UQCC1: variants seen among roughly 807,000 people sequenced by gnomAD.
UQCC1 encodes ubiquinol-cytochrome c reductase complex assembly factor 1, also known as bFGF-repressed Zic-binding protein.
In UQCC1, 38 loss-of-function variants were observed where a neutral mutation model predicts 48.0. The observed-to-expected ratio is 0.79, with a 90% confidence interval of 0.61 to 1.04. The LOEUF is 1.04. Among genes scored for constraint, UQCC1 ranks in the 50% least tolerant of loss-of-function variants. The probability of loss-of-function intolerance (pLI) is 0.00; values close to 1 mark genes in which losing one functional copy is unlikely to be tolerated. For synonymous variants in UQCC1, 111 were observed against 129.2 expected (o/e 0.86, Z 0.95); for missense variants, 368 against 381.8 (o/e 0.96, Z 0.30).
intron 6 of UQCC1, among the ~76,000 whole-genome samples, chr20:35,351,291 T>C (rs578204036): frequency 1.5e-4 from 23 of 149,806 alleles, no homozygotes; most frequent in Non-Finnish European, 7.4e-5. Flanking sequence ...CTCGAGACAC[T>C]GCGGCAGGAG....
At chr20:35,326,602 C>T (rs2061197624) in intron 7 of UQCC1, among the ~76,000 whole-genome samples, 1 of 152,106 alleles carries the variant, frequency 6.6e-6, no homozygotes, top group South Asian at 2.1e-4. Flanking sequence ...ACATGTAGGT[C>T]GGTATCATTA....
At chr20:35,382,709 A>G (rs1362946226) in intron 3 of UQCC1, among the ~76,000 whole-genome samples, 1 of 150,378 alleles carries the variant, frequency 6.6e-6, no homozygotes, top group Non-Finnish European at 1.5e-5. Context: ...ATGGAGTTTC[A>G]CCGTGTTAGC....
chr20:35,386,250 T>C, intron 2 of UQCC1: 1 of 398,276 alleles, frequency 2.5e-6, no homozygotes, highest in South Asian at 1.8e-5. Context: ...AAATCTAGTT[T>C]CCAAACTCTC....
chr20:35,368,934 A>G (rs903209096), intron 5 of UQCC1, among the ~76,000 whole-genome samples: 9 of 152,334 alleles, frequency 5.9e-5, no homozygotes, highest in Admixed American at 2.6e-4. Flanking sequence ...GCCCTGAGAA[A>G]CTCTGAAGCC....
chr20:35,312,307 C>T (rs1025404310), intron 8 of UQCC1, among the ~76,000 whole-genome samples: 9 of 152,106 alleles, frequency 5.9e-5, no homozygotes, highest in African/African-American at 1.7e-4. Flanking sequence ...TGTAAATGCT[C>T]CCTTGTAATT....
In UQCC1 at chr20:35,347,180, C is replaced by T. The variant is rs758350553; in HGVS notation, c.557G>A (p.Arg186His). 46 of 1,614,062 alleles carry T rather than the reference C, an allele frequency of 2.8e-5. No individual in the cohort carries two copies. Among genetic ancestry groups the T allele is most frequent in the South Asian group, 4.4e-5 (4 of 91,086 alleles). Residue 186 changes from arginine to histidine, a missense_variant, in exon 7 of 10, where the codon CGC becomes CAC. Transcript: ENST00000374385. Reference protein sequence around the residue: ...VHFMWEDVQQRGRVMGVNPYI... With the variant: ...VHFMWEDVQQHGRVMGVNPYI... ...CTCACTTACCCCCATGACTCTGCCG[C>T]GCTGCTGAACATCCTCCCACATAAA... is the stretch of plus-strand genomic sequence containing the variant.
intron 1 of UQCC1, among the ~76,000 whole-genome samples, chr20:35,402,610 AAC>A (rs869123816): frequency 2.4e-3 from 328 of 138,808 alleles, no homozygotes; most frequent in African/African-American, 6.8e-3. Flanking sequence ...CAAACAAACA[AAC>A]AAAATATATA....
Position 35,337,090 on chromosome 20 carries a change from T to C in UQCC1, c.573+10074A>G, listed in dbSNP as rs2061323746. ...AATCATCTAAATGATATAATTAGTT[T>C]AGGAGCAGTGGTTCTCAAACTAGAG... On this transcript the variant is annotated intron_variant, in intron 7 of 9. Coordinates refer to ENST00000374385, the MANE Select transcript of UQCC1 (RefSeq NM_018244.5). Among the ~76,000 whole-genome samples the C allele has an allele frequency of 3.9e-5, 6 of 152,210 alleles. No individual in the cohort carries two copies. The South Asian group carries it at 1.2e-3, about 32-fold the overall frequency.
intron 7 of UQCC1, among the ~76,000 whole-genome samples, chr20:35,338,892 AATAT>A (rs1555805505): frequency 3.3e-4 from 10 of 30,576 alleles, no homozygotes; most frequent in African/African-American, 2.2e-3. Flanking sequence ...AAAAAAAAAA[AATAT>A]ATATATATAT....
chr20:35,337,947 C>T (rs1277981828), intron 7 of UQCC1, among the ~76,000 whole-genome samples: 1 of 151,846 alleles, frequency 6.6e-6, no homozygotes, highest in African/African-American at 2.4e-5. Context: ...TTGGCTTTGC[C>T]GCACACAGTA....
At chr20:35,338,878 A>ATATATATAT (rs2061344260) in intron 7 of UQCC1, among the ~76,000 whole-genome samples, 5 of 60,608 alleles carry the variant, frequency 8.2e-5, no homozygotes, top group African/African-American at 2.2e-4. Flanking sequence ...AAAAAAAAAA[A>ATATATATAT]AAAAAAAAAA....
intron 7 of UQCC1, among the ~76,000 whole-genome samples, chr20:35,326,313 C>T (rs1423134253): frequency 6.6e-6 from 1 of 152,174 alleles, no homozygotes; most frequent in Non-Finnish European, 1.5e-5. Flanking sequence ...GTGGAGAGAA[C>T]AGAAAGATGA....
In UQCC1 at chr20:35,374,174, A is replaced by C; in HGVS notation, c.406+10T>G. The stretch of plus-strand genomic sequence containing the variant: ...GTTCTCCTTTTCAGTACTATCAAAC[A>C]ATAACTTACTTAGAAAGAATTCCTC... On this transcript the variant is annotated intron_variant, in intron 5 of 9. Coordinates refer to ENST00000374385, the MANE Select transcript of UQCC1 (RefSeq NM_018244.5). 1 of 1,605,182 alleles carries C rather than the reference A, an allele frequency of 6.2e-7. No homozygotes were observed. Among genetic ancestry groups the C allele is most frequent in the Non-Finnish European group, 8.5e-7 (1 of 1,172,908 alleles).
Position 35,303,950 on chromosome 20 carries a change from G to C in UQCC1, c.885C>G (p.Asn295Lys), listed in dbSNP as rs752307048. Residue 295 changes from asparagine (N) to lysine (K), a missense_variant, in exon 10 of 10, where the codon AAC becomes AAG. Asn to Lys is a moderately conservative substitution (Grantham distance 94). Transcript: ENST00000374385. ...SILKPHSPTY[N>K]DEGL Reference sequence around the variant, plus strand: ...GCCCAGCCCATCAAAGTCCCTCGTCGTTGTAAGTCGGAGAATGGGGCTTCA... The same window carrying C: ...GCCCAGCCCATCAAAGTCCCTCGTCCTTGTAAGTCGGAGAATGGGGCTTCA... The C allele has an allele frequency of 6.8e-6, 11 of 1,614,092 alleles. No homozygotes were observed. Among genetic ancestry groups the C allele is most frequent in the Non-Finnish European group, 9.3e-6 (11 of 1,180,038 alleles).
chr20:35,347,617 T>G (rs918962451), intron 6 of UQCC1, among the ~76,000 whole-genome samples: 2 of 152,118 alleles, frequency 1.3e-5, no homozygotes, highest in Admixed American at 1.3e-4. Context: ...ATCCTTCATT[T>G]TACTGATGAA....
intron 1 of UQCC1, among the ~76,000 whole-genome samples, chr20:35,402,934 G>A (rs1277141667): frequency 6.6e-6 from 1 of 151,772 alleles, no homozygotes; most frequent in Non-Finnish European, 1.5e-5. Context: ...GGGCATGAGG[G>A]CATGCACCTG....
At chr20:35,342,450 C>T (rs2061391290) in intron 7 of UQCC1, among the ~76,000 whole-genome samples, 1 of 152,218 alleles carries the variant, frequency 6.6e-6, no homozygotes, top group South Asian at 2.1e-4. Flanking sequence ...CCCTGGTTAG[C>T]CACAAGACTG....
chr20:35,409,634 G>T (rs1486992830), intron 1 of UQCC1, among the ~76,000 whole-genome samples: 2 of 152,064 alleles, frequency 1.3e-5, no homozygotes, highest in African/African-American at 4.8e-5. Flanking sequence ...AAAACCATAA[G>T]CATGTCCAGT....
At chr20:35,396,284 CTTTTTTTTTTT>C (rs34830667) in intron 1 of UQCC1, among the ~76,000 whole-genome samples, 1 of 94,376 alleles carries the variant, frequency 1.1e-5, no homozygotes, top group Non-Finnish European at 2.0e-5. Flanking sequence ...TGTGCCTGGC[CTTTTTTTTTTT>C]TTTTTTTTTT....
Sources: gnomAD v4.1 joint callset for allele counts (sites outside exome capture counted in the v4.1 genomes callset) on GRCh38, gnomAD v4.1.1 for gene constraint, MANE v1.5 for transcripts, NCBI Gene and HGNC (gene_info 2026-07-23, HGNC 2026-07-21) for gene names.